Variants in SLC4A8 observed in about 807,000 individuals in gnomAD.
SLC4A8 encodes the protein electroneutral sodium bicarbonate exchanger 1.
SLC4A8 carries 40 observed loss-of-function variants against 125.0 expected under a neutral mutation model. The ratio of observed to expected loss-of-function variants is 0.32; its 90% CI spans 0.25 to 0.42. The LOEUF is 0.42. Ranked by LOEUF, SLC4A8 falls within the 10% of genes least tolerant of loss-of-function variation. The pLI is 1.00. For synonymous variants in SLC4A8, 456 were observed against 476.0 expected (o/e 0.96, Z 0.55); for missense variants, 863 against 1,355.1 (o/e 0.64, Z 5.70).
rs572940354 is a variant in SLC4A8, at chr12:51,445,743, A to T, written c.130+4954A>T. ...TTAGATGTCCCCTCTAATCATCTTAAAGTCTCCCTTCTCCATCCTACCCCT... is the reference window on the plus strand; with the variant it reads ...TTAGATGTCCCCTCTAATCATCTTATAGTCTCCCTTCTCCATCCTACCCCT... On this transcript the variant is annotated intron_variant, in intron 2 of 24. Transcript: ENST00000453097. Among the ~76,000 whole-genome samples the T allele has an allele frequency of 3.3e-4, 50 of 152,132 alleles. No individual in the cohort carries two copies. The South Asian group carries it at 1.0e-2, about 30-fold the overall frequency.
At chr12:51,498,709 C>T (rs6580838) in intron 22 of SLC4A8, among the ~76,000 whole-genome samples, 125,126 of 134,058 alleles carry the variant, frequency 0.93, 58,122 homozygotes, top group Non-Finnish European at 0.95. Flanking sequence ...GGTGAAACCC[C>T]GTCTCTACTA....
At chr12:51,433,771 G>T (rs183374910) in intron 1 of SLC4A8, among the ~76,000 whole-genome samples, 1 of 151,030 alleles carries the variant, frequency 6.6e-6, no homozygotes, top group East Asian at 2.0e-4. Flanking sequence ...AACATTTCAA[G>T]CATATAGCAA....
intron 1 of SLC4A8, among the ~76,000 whole-genome samples, chr12:51,409,967 C>A (rs1042223612): frequency 6.6e-6 from 1 of 152,208 alleles, no homozygotes; most frequent in Non-Finnish European, 1.5e-5. Flanking sequence ...ATGTCTCGTT[C>A]CGATGGCTAT....
intron 1 of SLC4A8, among the ~76,000 whole-genome samples, chr12:51,406,824 A>G (rs1852727981): frequency 6.6e-6 from 1 of 152,194 alleles, no homozygotes; most frequent in South Asian, 2.1e-4. Flanking sequence ...GCTGGCTGGC[A>G]GGGCTCATTG....
In SLC4A8 at chr12:51,466,944, TG is replaced by T. The variant is rs1173982385; in HGVS notation, c.1350-2669del. Among the ~76,000 whole-genome samples the T allele has an allele frequency of 3.1e-3, 5 of 1,636 alleles. No individual in the cohort carries two copies. In the South Asian group the frequency reaches 0.056, roughly 18 times the overall value. The allele number at this position is 1,636 out of a possible 152,430, so 1.1% of individuals were successfully genotyped here. A position where few individuals can be genotyped will look rare whatever the true frequency, so the allele number is the denominator to read the frequency against. On this transcript the variant is annotated intron_variant, in intron 11 of 24. Coordinates refer to ENST00000453097, the MANE Select transcript of SLC4A8 (RefSeq NM_001039960.3). ...CAGCATCTCAGGTAGCCTCAGAGTA[TG>T]TGTGTGTGTGTGTGTGTGTGTGTAT...
upstream of SLC4A8, among the ~76,000 whole-genome samples, chr12:51,421,585 A>T (rs768383677): frequency 2.6e-5 from 4 of 151,898 alleles, no homozygotes; most frequent in Non-Finnish European, 4.4e-5. Context: ...TCCCTACCCT[A>T]CCTACTCCAC....
chr12:51,485,073 C>A (rs1951127308), intron 16 of SLC4A8, among the ~76,000 whole-genome samples: 1 of 151,958 alleles, frequency 6.6e-6, no homozygotes, highest in Non-Finnish European at 1.5e-5. Flanking sequence ...GCAGAGTGGG[C>A]AAGCAGGAGA....
At chr12:51,463,981 C>T (rs1043109634) in intron 11 of SLC4A8, among the ~76,000 whole-genome samples, 13 of 152,176 alleles carry the variant, frequency 8.5e-5, no homozygotes, top group Admixed American at 3.3e-4. Flanking sequence ...ACACTCTTCC[C>T]TTTCCTCATC....
At chr12:51,470,314 A>C in intron 12 of SLC4A8, 78 bp from the exon 13 acceptor site, 1 of 1,415,724 alleles carries the variant, frequency 7.1e-7, no homozygotes, top group Admixed American at 1.9e-5. Context: ...CAGGAGAGCA[A>C]AGTCAGGAAT....
chr12:51,507,436 TA>T lies in SLC4A8; in HGVS notation c.3282del (p.Ter1094=). On this transcript the variant is annotated frameshift_variant and stop_lost, in exon 25 of 25. Coordinates refer to ENST00000453097, the MANE Select transcript of SLC4A8 (RefSeq NM_001039960.3). LOFTEE classifies it high-confidence loss of function. The stretch of plus-strand genomic sequence containing the variant: ...AACACTTTTATTCAGTCTCTTCAAC[TA>T]AGAGTCTTTGCTGGGATGGAAGATT... ...GNAKEKSLFN[*>X] is the part of the protein sequence containing the mutation. 1.4e-6 allele frequency: 2 copies of T among 1,394,638 alleles called. No homozygotes were observed. The highest frequency in any genetic ancestry group is 2.7e-5 in the Admixed American group (1 of 37,582). 86.4% of individuals were successfully genotyped at this position (1,394,638 alleles called of 1,614,324 possible).
intron 17 of SLC4A8, among the ~76,000 whole-genome samples, chr12:51,487,391 A>G (rs917064880): frequency 4.8e-5 from 7 of 146,944 alleles, no homozygotes; most frequent in African/African-American, 1.7e-4. Context: ...AGGGAAACAT[A>G]GATTCTGTAA....
At chr12:51,453,298 A>C (rs1950025037) in intron 4 of SLC4A8, among the ~76,000 whole-genome samples, 1 of 152,224 alleles carries the variant, frequency 6.6e-6, no homozygotes, top group South Asian at 2.1e-4. Context: ...TGTCTTATAC[A>C]TGTATGTATT....
At position 51,510,189 on chromosome 12, in the gene SLC4A8, G is replaced by A. The variant is rs938137573; in HGVS notation, c.*2751G>A. 1 of 152,324 alleles carries A rather than the reference G, an allele frequency of 6.6e-6. No homozygotes were observed. Among genetic ancestry groups the A allele is most frequent in the Non-Finnish European group, 1.5e-5 (1 of 68,162 alleles). The allele number at this position is 152,324 out of a possible 1,614,324, so 9.4% of individuals were successfully genotyped here. On this transcript the variant is annotated 3_prime_UTR_variant, in exon 25 of 25. Coordinates refer to ENST00000453097, the MANE Select transcript of SLC4A8 (RefSeq NM_001039960.3). ...CGCCTGTAATCCCAGCACTTTGGGA[G>A]GCCAAGATGGGCGGATCACGAGGTC...
intron 1 of SLC4A8, among the ~76,000 whole-genome samples, chr12:51,396,993 G>A (rs191858504): frequency 1.5e-3 from 195 of 129,616 alleles, no homozygotes; most frequent in African/African-American, 5.2e-3. Context: ...GCAGTCGCAC[G>A]ATCTCAGCTC....
chr12:51,443,846 A>C (rs1427855537), intron 2 of SLC4A8, among the ~76,000 whole-genome samples: 1 of 152,190 alleles, frequency 6.6e-6, no homozygotes, highest in Non-Finnish European at 1.5e-5. Flanking sequence ...CGTGTACTGC[A>C]TTGTACCTTA....
chr12:51,480,481 C>T, intron 16 of SLC4A8: 1 of 1,052,396 alleles, frequency 9.5e-7, no homozygotes, highest in Non-Finnish European at 1.1e-6. Context: ...CTGTGTGAGA[C>T]ATGGTGGTAT....
intron 3 of SLC4A8, among the ~76,000 whole-genome samples, chr12:51,451,419 A>C (rs1234135765): frequency 1.3e-5 from 2 of 152,116 alleles, no homozygotes; most frequent in Non-Finnish European, 2.9e-5. Context: ...ACTGTTTTTA[A>C]ATTTTAAAAT....
intron 1 of SLC4A8, among the ~76,000 whole-genome samples, chr12:51,430,497 C>T (rs1949153246): frequency 6.6e-6 from 1 of 152,158 alleles, no homozygotes; most frequent in African/African-American, 2.4e-5. Context: ...CCACCCTCTC[C>T]TCACACATAC....
chr12:51,429,751 C>T (rs1382222589), intron 1 of SLC4A8, among the ~76,000 whole-genome samples: 13 of 151,774 alleles, frequency 8.6e-5, no homozygotes. Flanking sequence ...TCAAGCGATC[C>T]TCACCCCTCG....
Sources: allele counts gnomAD v4.1 joint callset (sites outside exome capture counted in the v4.1 genomes callset), GRCh38; gene constraint gnomAD v4.1.1; transcripts MANE v1.5; gene names NCBI Gene and HGNC (gene_info 2026-07-23, HGNC 2026-07-21).